VAV3: variants seen among roughly 807,000 people sequenced by gnomAD.
VAV3 encodes the protein guanine nucleotide exchange factor VAV3.
In VAV3, 94 loss-of-function variants were observed where a neutral mutation model predicts 131.2. The ratio of observed to expected loss-of-function variants is 0.72; its 90% CI spans 0.61 to 0.85. VAV3 has a LOEUF of 0.85. VAV3 is among the 40% of genes least tolerant of loss of function. The pLI is 0.00. For synonymous variants in VAV3, 349 were observed against 342.0 expected, an observed-to-expected ratio of 1.02 and a Z score of -0.22; for missense variants, 939 against 1,002.7, an observed-to-expected ratio of 0.94 and a Z score of 0.86.
chr1:107,910,360 T>C (rs984285153), intron 1 of VAV3, among the ~76,000 whole-genome samples: 2 of 152,146 alleles, frequency 1.3e-5, no homozygotes, highest in Admixed American at 6.5e-5. Flanking sequence ...AAGAAGACAA[T>C]CACATACTTT....
At chr1:107,755,536 G>GA in intron 11 of VAV3, 23 bp from the exon 12 acceptor site, 1 of 1,547,816 alleles carries the variant, frequency 6.5e-7, no homozygotes, top group Non-Finnish European at 8.9e-7. Flanking sequence ...GAAAAGGGTA[G>GA]AAAAAGAAGG....
intron 2 of VAV3, among the ~76,000 whole-genome samples, chr1:107,791,918 T>G (rs991284261): frequency 6.6e-6 from 1 of 152,184 alleles, no homozygotes; most frequent in Non-Finnish European, 1.5e-5. Flanking sequence ...AGAAGTAAAG[T>G]GACTTCTAGG....
At chr1:107,791,197 T>C (rs1478837716) in intron 2 of VAV3, among the ~76,000 whole-genome samples, 1 of 152,106 alleles carries the variant, frequency 6.6e-6, no homozygotes, top group Non-Finnish European at 1.5e-5. Context: ...TGACTTCCCA[T>C]GTATCTTAAG....
intron 19 of VAV3, among the ~76,000 whole-genome samples, chr1:107,664,745 C>G (rs1048408709): frequency 6.6e-6 from 1 of 151,446 alleles, no homozygotes; most frequent in Non-Finnish European, 1.5e-5. Flanking sequence ...GGGAGAGGGA[C>G]CCACAATGCA....
At chr1:107,684,820 A>C (rs888862188) in intron 18 of VAV3, among the ~76,000 whole-genome samples, 5 of 152,214 alleles carry the variant, frequency 3.3e-5, no homozygotes, top group African/African-American at 1.2e-4. Flanking sequence ...TTACAGACTC[A>C]TGTCTGATAA....
intron 1 of VAV3, among the ~76,000 whole-genome samples, chr1:107,907,296 G>A (rs193042288): frequency 6.6e-6 from 1 of 152,264 alleles, no homozygotes; most frequent in East Asian, 1.9e-4. Flanking sequence ...AAATTGTCTA[G>A]CACTGGGTGC....
intron 20 of VAV3, among the ~76,000 whole-genome samples, chr1:107,622,843 G>A (rs977987442): frequency 2.0e-5 from 3 of 152,192 alleles, no homozygotes; most frequent in Non-Finnish European, 4.4e-5. Context: ...TGAATAATGG[G>A]AATATAGGTG....
chr1:107,702,335 C>A (rs192472348), intron 17 of VAV3, among the ~76,000 whole-genome samples: 108 of 152,274 alleles, frequency 7.1e-4, no homozygotes, highest in African/African-American at 2.5e-3. Context: ...TCCTGCCTGG[C>A]CCCTCCCTTG....
At chr1:107,781,833 T>C (rs1243007328) in intron 2 of VAV3, among the ~76,000 whole-genome samples, 1 of 152,162 alleles carries the variant, frequency 6.6e-6, no homozygotes, top group Non-Finnish European at 1.5e-5. Flanking sequence ...ATAATAAAGA[T>C]AAAACATTGT....
intron 19 of VAV3, among the ~76,000 whole-genome samples, chr1:107,643,384 C>T (rs1043057044): frequency 2.0e-5 from 3 of 152,166 alleles, no homozygotes; most frequent in Non-Finnish European, 4.4e-5. Flanking sequence ...AGATCCATTC[C>T]TTCTCTTTGT....
In VAV3 at chr1:107,666,572, CT is replaced by C. The variant is rs561256376; in HGVS notation, c.1777+16915del. Among the ~76,000 whole-genome samples, 370 of 138,232 alleles carry C rather than the reference CT, an allele frequency of 2.7e-3. 1 individual carries two copies. The highest frequency in any genetic ancestry group is 0.01 in the South Asian group (44 of 4,310). 90.7% of individuals were successfully genotyped at this position (138,232 alleles called of 152,430 possible). ...ACTTCTATGGCAAGATCATTTGAGA[CT>C]TTTTTTTTTTTTTTTGAGACGGAGT... On this transcript the variant is annotated intron_variant, in intron 19 of 26. Transcript: ENST00000370056.
At chr1:107,878,835 A>G (rs1406031788) in intron 1 of VAV3, among the ~76,000 whole-genome samples, 1 of 152,144 alleles carries the variant, frequency 6.6e-6, no homozygotes, top group African/African-American at 2.4e-5. Context: ...ATTTCCCAAT[A>G]ATTTTTCACA....
In VAV3 at chr1:107,631,223, ATTG is replaced by A. The variant is rs573660260; in HGVS notation, c.1914+11393_1914+11395del. 1.6e-3 allele frequency among the ~76,000 whole-genome samples: 244 copies of A among 152,080 alleles called. 1 individual carries two copies. Among genetic ancestry groups the A allele is most frequent in the African/African-American group, 5.6e-3 (233 of 41,544 alleles). ...TAAAATTTATATTTATACTAAATGC[ATTG>A]TTATCATAATACATTTAAATATGAG... is the stretch of plus-strand genomic sequence containing the variant. On this transcript the variant is annotated intron_variant, in intron 20 of 26. Coordinates refer to ENST00000370056, the MANE Select transcript of VAV3 (RefSeq NM_006113.5).
chr1:107,850,123 G>T (rs941537164), intron 2 of VAV3, among the ~76,000 whole-genome samples: 1 of 152,202 alleles, frequency 6.6e-6, no homozygotes, highest in East Asian at 1.9e-4. Context: ...CCATTGGTGG[G>T]AGTGTAAATT....
rs377485022 is a variant in VAV3 at position 107,788,327 on chromosome 1, C to T, written c.322-8835G>A. Among the ~76,000 whole-genome samples, 8 of 152,170 alleles carry T rather than the reference C, an allele frequency of 5.3e-5. No individual in the cohort carries two copies. The East Asian group carries it at 1.5e-3, about 29-fold the overall frequency. On this transcript the variant is annotated intron_variant, in intron 2 of 26. Coordinates refer to ENST00000370056, the MANE Select transcript of VAV3 (RefSeq NM_006113.5). ...GTACACTCAGAGAAGTCCCCAGGAG[C>T]TGCTGCCCTGCCCCTTCCACCCTCA...
Position 107,757,249 on chromosome 1 carries a change from A to C in VAV3, c.1086+12T>G, listed in dbSNP as rs372926914. On this transcript the variant is annotated intron_variant, in intron 11 of 26. Transcript: ENST00000370056. The stretch of plus-strand genomic sequence containing the variant: ...AAAAAATACAAACAAATTACTGATG[A>C]ATCTGCCCTACCTTCATGGCATCAA... 10 of 1,610,048 alleles carry C rather than the reference A, an allele frequency of 6.2e-6. No homozygotes were observed. Among genetic ancestry groups the C allele is most frequent in the Non-Finnish European group, 8.5e-6 (10 of 1,178,660 alleles).
At chr1:107,632,443 T>C (rs867075882) in intron 20 of VAV3, among the ~76,000 whole-genome samples, 9 of 152,196 alleles carry the variant, frequency 5.9e-5, no homozygotes, top group Admixed American at 1.3e-4. Flanking sequence ...CAAAGCCATA[T>C]AGCTATTTGG....
chr1:107,843,218 G>A (rs980751276), intron 2 of VAV3, among the ~76,000 whole-genome samples: 6 of 151,844 alleles, frequency 4.0e-5, no homozygotes, highest in Admixed American at 1.3e-4. Context: ...TTTAAATCCT[G>A]ACTCTTAAAC....
At chr1:107,942,420 A>G (rs1379857504) in intron 1 of VAV3, among the ~76,000 whole-genome samples, 5 of 152,208 alleles carry the variant, frequency 3.3e-5, no homozygotes, top group Admixed American at 2.6e-4. Context: ...GACTCTCACT[A>G]CATCTTTAAA....
Sources: allele counts gnomAD v4.1 joint callset (sites outside exome capture counted in the v4.1 genomes callset), GRCh38; gene constraint gnomAD v4.1.1; transcripts MANE v1.5; gene names NCBI Gene and HGNC (gene_info 2026-07-23, HGNC 2026-07-21).